The following PACRG variants were observed in gnomAD, a reference collection of about 807,000 sequenced individuals.
The protein encoded by PACRG is parkin coregulated.
Under a neutral mutation model 29.7 loss-of-function variants are expected in PACRG, and 29 were observed. The ratio of observed to expected loss-of-function variants is 0.98; its 90% CI spans 0.73 to 1.33. PACRG has a LOEUF of 1.33. Ranked by LOEUF, PACRG falls within the 40% of genes most tolerant of loss-of-function variation. The pLI is 0.00. For missense variants in PACRG, 279 were observed against 316.2 expected (o/e 0.88, Z 0.89); for synonymous variants, 116 against 118.7 (o/e 0.98, Z 0.15).
chr6:162,862,667 G>A (rs1356916582), intron 2 of PACRG, among the ~76,000 whole-genome samples: 6 of 152,218 alleles, frequency 3.9e-5, no homozygotes, highest in Non-Finnish European at 7.3e-5. Context: ...AAGCTTGCTT[G>A]TCTGCTTTCA....
chr6:162,782,891 T>TA (rs1157925169), intron 1 of PACRG, among the ~76,000 whole-genome samples: 2 of 151,908 alleles, frequency 1.3e-5, no homozygotes, highest in Non-Finnish European at 3.0e-5. Context: ...ACATAATTCT[T>TA]ACAACTTGGT....
chr6:162,996,584 A>T lies in PACRG; in HGVS notation c.292-65566A>T, dbSNP rs143177515. Among the ~76,000 whole-genome samples, 91 of 152,306 alleles carry T rather than the reference A, an allele frequency of 6.0e-4. 3 individuals are homozygous for T. In the East Asian group the frequency reaches 0.017, roughly 29 times the overall value. ...AAATTATGATGAATCCATTCAATGG[A>T]ATATTATATAACAATTTAAAATAAT... On this transcript the variant is annotated intron_variant, in intron 2 of 4. Transcript: ENST00000366888.
intron 2 of PACRG, among the ~76,000 whole-genome samples, chr6:163,056,239 A>G (rs1004193471): frequency 1.3e-5 from 2 of 152,210 alleles, no homozygotes; most frequent in African/African-American, 4.8e-5. Flanking sequence ...ACTCCTAGGT[A>G]TATATTCAAA....
At chr6:163,231,942 T>C (rs1042211206) in intron 4 of PACRG, among the ~76,000 whole-genome samples, 1 of 152,216 alleles carries the variant, frequency 6.6e-6, no homozygotes, top group African/African-American at 2.4e-5. Context: ...TGGCACTACG[T>C]TGGTATTTAT....
chr6:162,743,704 T>C (rs1336296210), intron 1 of PACRG, among the ~76,000 whole-genome samples: 2 of 152,204 alleles, frequency 1.3e-5, no homozygotes, highest in Non-Finnish European at 2.9e-5. Flanking sequence ...TTAACAGTTT[T>C]ATTGAGATGT....
At chr6:162,791,942 T>C (rs1272786199) in intron 1 of PACRG, among the ~76,000 whole-genome samples, 1 of 134,020 alleles carries the variant, frequency 7.5e-6, no homozygotes, top group African/African-American at 2.8e-5. Flanking sequence ...GTAGATGTGG[T>C]GGTAGCAGCC....
At chr6:163,145,558 G>C (rs758781342) in intron 4 of PACRG, among the ~76,000 whole-genome samples, 4 of 152,154 alleles carry the variant, frequency 2.6e-5, no homozygotes, top group Non-Finnish European at 4.4e-5. Context: ...TCCCTCCCAG[G>C]GGATGTTTGG....
At chr6:163,135,397 C>T (rs1192495615) in intron 4 of PACRG, among the ~76,000 whole-genome samples, 3 of 152,134 alleles carry the variant, frequency 2.0e-5, no homozygotes, top group African/African-American at 4.8e-5. Context: ...CCATATTGGC[C>T]AGGCTGATCT....
intron 4 of PACRG, among the ~76,000 whole-genome samples, chr6:163,304,506 G>A (rs1330146185): frequency 6.6e-6 from 1 of 152,124 alleles, no homozygotes; most frequent in Non-Finnish European, 1.5e-5. Flanking sequence ...AATGCAAAAG[G>A]GCTAAGTAAA....
At chr6:163,075,597 A>G (rs183537679) in intron 3 of PACRG, among the ~76,000 whole-genome samples, 3 of 152,230 alleles carry the variant, frequency 2.0e-5, no homozygotes, top group African/African-American at 7.2e-5. Context: ...GACTGGCTTA[A>G]CACTAGAAAA....
intron 4 of PACRG, among the ~76,000 whole-genome samples, chr6:163,173,295 T>G (rs1476823908): frequency 6.6e-6 from 1 of 152,194 alleles, no homozygotes; most frequent in Non-Finnish European, 1.5e-5. Context: ...CTAAATTTCT[T>G]TACAATATAA....
intron 2 of PACRG, among the ~76,000 whole-genome samples, chr6:163,040,734 G>GAA (rs1808617096): frequency 6.6e-6 from 1 of 152,186 alleles, no homozygotes. Flanking sequence ...TGGCTCCTTT[G>GAA]TTTTGGCTAA....
At chr6:163,265,113 T>G (rs1783478117) in intron 4 of PACRG, among the ~76,000 whole-genome samples, 1 of 152,210 alleles carries the variant, frequency 6.6e-6, no homozygotes, top group Non-Finnish European at 1.5e-5. Context: ...GCTGGGTGAA[T>G]GAACGCATGC....
chr6:162,970,577 T>G (rs1801446453), intron 2 of PACRG, among the ~76,000 whole-genome samples: 4 of 152,166 alleles, frequency 2.6e-5, no homozygotes. Flanking sequence ...CCAAGAATAA[T>G]CGTGCCAAAT....
chr6:162,874,316 C>T (rs912651502), intron 2 of PACRG, among the ~76,000 whole-genome samples: 9 of 151,880 alleles, frequency 5.9e-5, no homozygotes. Context: ...CTTTAGCTGC[C>T]GATTTGCCTA....
At chr6:162,983,952 G>T (rs1347939985) in intron 2 of PACRG, among the ~76,000 whole-genome samples, 3 of 151,864 alleles carry the variant, frequency 2.0e-5, no homozygotes, top group Non-Finnish European at 2.9e-5. Flanking sequence ...ATTATTCTTA[G>T]GTTTACCTGT....
chr6:162,727,342 C>G, upstream of PACRG: 1 of 312,348 alleles, frequency 3.2e-6, no homozygotes, highest in Non-Finnish European at 5.7e-6. Context: ...GGGGAGAAGG[C>G]TTCGGGACCC....
At chr6:162,996,319 G>A (rs1279203646) in intron 2 of PACRG, among the ~76,000 whole-genome samples, 1 of 152,034 alleles carries the variant, frequency 6.6e-6, no homozygotes, top group African/African-American at 2.4e-5. Flanking sequence ...ATTTAAAAAG[G>A]GGTCATTACT....
chr6:163,314,213 G>C (rs576158276), intron 4 of PACRG, among the ~76,000 whole-genome samples: 131 of 152,312 alleles, frequency 8.6e-4, no homozygotes, highest in Non-Finnish European at 1.4e-3. Context: ...AGCCCTGACT[G>C]ACAAATAGCT....
Sources: allele counts gnomAD v4.1 joint callset (sites outside exome capture counted in the v4.1 genomes callset), GRCh38; gene constraint gnomAD v4.1.1; transcripts MANE v1.5; gene names NCBI Gene and HGNC (gene_info 2026-07-23, HGNC 2026-07-21).